The following EPHB2 variants were observed in gnomAD, a reference collection of about 807,000 sequenced individuals.
EPHB2 encodes EPH receptor B2.
EPHB2 carries 18 observed loss-of-function variants against 96.4 expected under a neutral mutation model. The observed-to-expected ratio is 0.19, with a 90% confidence interval of 0.13 to 0.28. The LOEUF (loss-of-function observed/expected upper bound fraction) is 0.28, where lower values mean the gene tolerates loss of function less well. Ranked by LOEUF, EPHB2 falls within the 10% of genes least tolerant of loss-of-function variation. EPHB2 has a pLI of 1.00. For synonymous variants in EPHB2, 506 were observed against 534.1 expected (o/e 0.95, Z 0.72); for missense variants, 989 against 1,355.4 (o/e 0.73, Z 4.25).
intron 1 of EPHB2, among the ~76,000 whole-genome samples, chr1:22,744,861 A>G (rs999948371): frequency 7.3e-5 from 11 of 150,962 alleles, no homozygotes; most frequent in Non-Finnish European, 1.0e-4. Flanking sequence ...TCAAAAAAAG[A>G]AAAAAAAAGA....
intron 1 of EPHB2, among the ~76,000 whole-genome samples, chr1:22,716,010 T>G (rs1411659506): frequency 6.6e-6 from 1 of 152,164 alleles, no homozygotes; most frequent in African/African-American, 2.4e-5. Flanking sequence ...ATTTAATTTG[T>G]CCAGGCACCA....
chr1:22,809,539 G>A (rs1009097809), intron 3 of EPHB2, among the ~76,000 whole-genome samples: 1 of 152,122 alleles, frequency 6.6e-6, no homozygotes, highest in Non-Finnish European at 1.5e-5. Context: ...TGTGTGCCAG[G>A]ATCCTTGTTG....
intron 14 of EPHB2, among the ~76,000 whole-genome samples, chr1:22,910,844 T>C (rs1339318994): frequency 1.3e-5 from 2 of 151,974 alleles, no homozygotes; most frequent in African/African-American, 4.8e-5. Context: ...TGAAGAAAAA[T>C]TACCAAAGGA....
At chr1:22,751,739 A>G (rs1644066217) in intron 1 of EPHB2, among the ~76,000 whole-genome samples, 1 of 152,208 alleles carries the variant, frequency 6.6e-6, no homozygotes, top group Admixed American at 6.5e-5. Flanking sequence ...GATCAAAGAC[A>G]GTGGGCTGGG....
intron 1 of EPHB2, among the ~76,000 whole-genome samples, chr1:22,778,834 C>T (rs1035828464): frequency 1.8e-4 from 27 of 152,346 alleles, no homozygotes; most frequent in African/African-American, 6.5e-4. Flanking sequence ...TAGTGTGTGA[C>T]TTTGGCAAGC....
intron 6 of EPHB2, chr1:22,891,155 T>C (rs1293891102): frequency 2.2e-6 from 1 of 456,048 alleles, no homozygotes; most frequent in Non-Finnish European, 4.4e-6. Context: ...GTTAAGGAAC[T>C]TGCCCAAGGT....
intron 3 of EPHB2, among the ~76,000 whole-genome samples, chr1:22,814,467 AGTG>A (rs1645044877): frequency 6.6e-6 from 1 of 151,990 alleles, no homozygotes. Flanking sequence ...GATGCTGGAA[AGTG>A]GGGGGGTGCA....
At chr1:22,889,235 C>T (rs1227650075) in intron 6 of EPHB2, among the ~76,000 whole-genome samples, 1 of 152,166 alleles carries the variant, frequency 6.6e-6, no homozygotes, top group Non-Finnish European at 1.5e-5. Flanking sequence ...ATGAAGGGAG[C>T]TGCTCAGGTT....
At chr1:22,738,698 C>G (rs1167395648) in intron 1 of EPHB2, among the ~76,000 whole-genome samples, 3 of 152,232 alleles carry the variant, frequency 2.0e-5, no homozygotes, top group African/African-American at 7.2e-5. Context: ...TCATTGTAGC[C>G]ATTTACTCAT....
chr1:22,893,468 G>A (rs1279281939), intron 7 of EPHB2, among the ~76,000 whole-genome samples: 1 of 152,248 alleles, frequency 6.6e-6, no homozygotes, highest in Non-Finnish European at 1.5e-5. Context: ...GCAGGAAGAA[G>A]TTCTGGGATA....
intron 3 of EPHB2, among the ~76,000 whole-genome samples, chr1:22,820,226 A>G (rs1176633083): frequency 2.0e-5 from 3 of 152,098 alleles, no homozygotes; most frequent in Admixed American, 1.3e-4. Flanking sequence ...CGGTGTTCCC[A>G]TTCTTACATG....
chr1:22,870,900 C>G (rs922523114), intron 5 of EPHB2, among the ~76,000 whole-genome samples: 8 of 152,186 alleles, frequency 5.3e-5, no homozygotes, highest in African/African-American at 1.9e-4. Context: ...ATAGCTTCGC[C>G]CTCTCCTTAC....
At position 22,784,778 on chromosome 1, in the gene EPHB2, C is replaced by T; in HGVS notation, c.513C>T (p.Arg171=). The change falls in exon 3 of 16, where the codon CGC becomes CGT. Residue 171 remains arginine (R), a synonymous_variant. Transcript: ENST00000374630. The surrounding 1 kb of genome is among the most constrained non-coding windows in gnomAD (Gnocchi z 5.1). The part of the protein sequence containing the change: ...TEVRSFGPVS[R]SGFYLAFQDY... ...TGCGGAGCTTCGGACCTGTGTCCCG[C>T]AGCGGCTTCTACCTGGCCTTCCAGG... 6.2e-7 allele frequency: 1 copy of T among 1,607,058 alleles called. No homozygotes were observed. Among genetic ancestry groups the T allele is most frequent in the Non-Finnish European group, 8.5e-7 (1 of 1,175,074 alleles).
At chr1:22,801,947 G>A (rs1322745600) in intron 3 of EPHB2, among the ~76,000 whole-genome samples, 3 of 152,206 alleles carry the variant, frequency 2.0e-5, no homozygotes, top group Non-Finnish European at 1.5e-5. Context: ...GCCGAATCCC[G>A]CCTCAGCCCC....
intron 3 of EPHB2, among the ~76,000 whole-genome samples, chr1:22,832,545 T>C (rs1645322063): frequency 1.3e-5 from 2 of 152,206 alleles, no homozygotes; most frequent in East Asian, 1.9e-4. Flanking sequence ...GCACCCCTAG[T>C]GATTGTCATG....
chr1:22,720,288 G>A (rs1290445254), intron 1 of EPHB2, among the ~76,000 whole-genome samples: 1 of 152,180 alleles, frequency 6.6e-6, no homozygotes, highest in African/African-American at 2.4e-5. Flanking sequence ...CAGGTTCAAG[G>A]AAAAGGAAAA....
At chr1:22,910,050 C>T (rs1243865720) in intron 13 of EPHB2, among the ~76,000 whole-genome samples, 1 of 152,042 alleles carries the variant, frequency 6.6e-6, no homozygotes, top group Non-Finnish European at 1.5e-5. Flanking sequence ...TCATCCAAGC[C>T]AAGAGGGGGC....
intron 3 of EPHB2, among the ~76,000 whole-genome samples, chr1:22,819,753 C>G (rs369910696): frequency 3.6e-4 from 55 of 152,182 alleles, no homozygotes; most frequent in African/African-American, 1.3e-3. Context: ...GAAGAGGCCC[C>G]TGGGTACCTC....
In EPHB2 at chr1:22,785,028, A is replaced by G. The variant is rs1476616446; in HGVS notation, c.763A>G (p.Met255Val). ...GTGGCTGGTGCCCATCGGGCGCTGC[A>G]TGTGCAAAGCAGGCTTCGAGGCCGT... ...GEWLVPIGRC[M>V]CKAGFEAVEN... Residue 255 changes from methionine to valine, a missense_variant, in exon 3 of 16, where the codon ATG becomes GTG. Transcript: ENST00000374630. The G allele has an allele frequency of 1.2e-6, 2 of 1,613,718 alleles. No homozygotes were observed. The highest frequency in any genetic ancestry group is 1.7e-6 in the Non-Finnish European group (2 of 1,180,042).
Sources: allele counts gnomAD v4.1 joint callset (sites outside exome capture counted in the v4.1 genomes callset), GRCh38; gene constraint gnomAD v4.1.1; non-coding constraint Gnocchi (gnomAD v3.1); transcripts MANE v1.5; gene names NCBI Gene and HGNC (gene_info 2026-07-23, HGNC 2026-07-21).